Variants in SMCHD1 observed in about 807,000 individuals in gnomAD.
SMCHD1 encodes the protein structural maintenance of chromosomes flexible hinge domain-containing protein 1.
A neutral mutation model predicts 254.7 loss-of-function variants in SMCHD1; 78 were observed. The observed-to-expected ratio is 0.31, with a 90% CI of 0.26 to 0.37. The LOEUF is 0.37. Among genes scored for constraint, SMCHD1 ranks in the 10% least tolerant of loss-of-function variants. SMCHD1 has a pLI of 1.00. For missense variants in SMCHD1, 1,840 were observed against 2,408.1 expected (o/e 0.76, Z 4.94); for synonymous variants, 766 against 794.9 (o/e 0.96, Z 0.61).
chr18:2,786,714 A>G (rs1422910657), intron 45 of SMCHD1, among the ~76,000 whole-genome samples: 2 of 152,116 alleles, frequency 1.3e-5, no homozygotes, highest in Non-Finnish European at 2.9e-5. Flanking sequence ...AAGAAACACC[A>G]GTACTGTAGA....
intron 1 of SMCHD1, among the ~76,000 whole-genome samples, chr18:2,665,323 A>AT (rs796416596): frequency 3.0e-4 from 43 of 142,808 alleles, no homozygotes; most frequent in East Asian, 4.0e-4. Flanking sequence ...TTTCCCTCTA[A>AT]TTTTTTTTTT....
At chr18:2,768,706 C>CTATACTAGTAGTATAGTACTA (rs1568347952) in intron 37 of SMCHD1, among the ~76,000 whole-genome samples, 4 of 108,960 alleles carry the variant, frequency 3.7e-5, no homozygotes, top group African/African-American at 1.2e-4. Context: ...GTACTATATA[C>CTATACTAGTAGTATAGTACTA]TATACTATAC....
At chr18:2,794,287 T>A (rs2076221462) in intron 45 of SMCHD1, among the ~76,000 whole-genome samples, 4 of 150,786 alleles carry the variant, frequency 2.7e-5, no homozygotes, top group Admixed American at 2.0e-4. Flanking sequence ...CCGCTCACCT[T>A]GGCCTCCCAA....
In SMCHD1 at chr18:2,700,783, A is replaced by T. The variant is rs1222324371; in HGVS notation, c.1512A>T (p.Glu504Asp). 6.2e-7 allele frequency: 1 copy of T among 1,613,216 alleles called. No individual in the cohort carries two copies. Among genetic ancestry groups the T allele is most frequent in the Non-Finnish European group, 8.5e-7 (1 of 1,179,516 alleles). The change falls in exon 12 of 48, where the codon GAA (glutamate) becomes GAT (aspartate). Residue 504 changes from glutamate (E) to aspartate (D), a missense_variant. Transcript: ENST00000320876. ...PPKKRGLAPI[E>D]CYNRISGALF... ...AGAAGAGAGGGCTTGCACCAATTGA[A>T]TGCTACAATAGGATATCTGGTGCAT... is the stretch of plus-strand genomic sequence containing the variant.
At chr18:2,761,817 C>T (rs553153181) in intron 35 of SMCHD1, among the ~76,000 whole-genome samples, 58 of 151,470 alleles carry the variant, frequency 3.8e-4, no homozygotes, top group Middle Eastern at 6.8e-3. Context: ...GACTCTGTCT[C>T]AAAAAAACAA....
At chr18:2,685,545 T>C (rs2074033181) in intron 5 of SMCHD1, among the ~76,000 whole-genome samples, 1 of 152,206 alleles carries the variant, frequency 6.6e-6, no homozygotes, top group African/African-American at 2.4e-5. Context: ...TATTACTATG[T>C]ATTCCTAAAG....
At chr18:2,733,370 G>A (rs549779736) in intron 25 of SMCHD1, among the ~76,000 whole-genome samples, 1 of 152,312 alleles carries the variant, frequency 6.6e-6, no homozygotes, top group South Asian at 2.1e-4. Flanking sequence ...CATGTTAAAT[G>A]TTAAGAAATA....
chr18:2,683,299 G>A (rs1033961889), intron 5 of SMCHD1, among the ~76,000 whole-genome samples: 2 of 151,914 alleles, frequency 1.3e-5, no homozygotes, highest in African/African-American at 2.4e-5. Context: ...ATAAGTTGCA[G>A]CATCTCACAA....
At chr18:2,671,224 C>T (rs2073589881) in intron 3 of SMCHD1, among the ~76,000 whole-genome samples, 2 of 152,110 alleles carry the variant, frequency 1.3e-5, no homozygotes, top group Admixed American at 1.3e-4. Flanking sequence ...GCGTGAGCCA[C>T]TGCACCTGGC....
chr18:2,777,743 G>T, intron 42 of SMCHD1, 63 bp from the exon 43 acceptor site: 1 of 859,310 alleles, frequency 1.2e-6, no homozygotes, highest in African/African-American at 1.7e-5. Context: ...TTTCCATATT[G>T]TCTTTTTTTA....
At chr18:2,707,193 G>A (rs2074536294) in intron 15 of SMCHD1, among the ~76,000 whole-genome samples, 1 of 151,968 alleles carries the variant, frequency 6.6e-6, no homozygotes, top group South Asian at 2.1e-4. Context: ...GTAGAAAGTG[G>A]CTTTTCTTCT....
chr18:2,688,789 G>A (rs775039882), intron 7 of SMCHD1, 42 bp downstream of exon 7: 5 of 1,165,732 alleles, frequency 4.3e-6, no homozygotes, highest in African/African-American at 1.5e-5. Flanking sequence ...TTACTCCTTT[G>A]GATAGACGGT....
chr18:2,703,897 CTTA>C lies in SMCHD1; in HGVS notation c.1842+14_1842+16del, dbSNP rs1187103083. The C allele has an allele frequency of 2.0e-6, 3 of 1,524,170 alleles. No individual in the cohort carries two copies. Among genetic ancestry groups the C allele is most frequent in the South Asian group, 1.3e-5 (1 of 76,358 alleles). 94.4% of individuals were successfully genotyped at this position (1,524,170 alleles called of 1,614,324 possible). ...AAAGCAGGACAGCTGGTAGGTTTAA[CTTA>C]TTGTCACTTTTTTCTTATAATTTTT... is the stretch of plus-strand genomic sequence containing the variant. On this transcript the variant is annotated intron_variant, in intron 13 of 47. Transcript: ENST00000320876.
At chr18:2,691,568 CTT>C (rs1234168477) in intron 7 of SMCHD1, 1 of 152,178 alleles carries the variant, frequency 6.6e-6, no homozygotes, top group Non-Finnish European at 1.5e-5. Context: ...CGTGTGAAAA[CTT>C]TTCTCAATAC....
At chr18:2,666,360 G>A in intron 2 of SMCHD1, 128 bp downstream of exon 2, 1 of 541,074 alleles carries the variant, frequency 1.8e-6, no homozygotes, top group Non-Finnish European at 3.3e-6. Context: ...TGGGATGAGG[G>A]AGGAAACTGG....
chr18:2,796,095 G>A lies in SMCHD1; in HGVS notation c.5866G>A (p.Glu1956Lys). 1 of 1,558,152 alleles carries A rather than the reference G, an allele frequency of 6.4e-7. No homozygotes were observed. The highest frequency in any genetic ancestry group is 2.1e-5 in the Admixed American group (1 of 48,778). Residue 1956 changes from glutamate (E) to lysine (K), a missense_variant, in exon 46 of 48, where the codon GAG becomes AAG. Physicochemically the swap from Glu to Lys is moderately conservative, Grantham distance 56. Around this residue, in one of 9 missense-constraint regions of SMCHD1, gnomAD observed 132 missense variants for 138.2 expected, o/e 0.95. Transcript: ENST00000320876. ...ACATGAGAAAAATCTCAAACTAATA[G>A]AGGAAAAACTAGGTAAGTCTTTGCT... ...DEHEKNLKLI[E>K]EKLGMTPIRK...
intron 17 of SMCHD1, among the ~76,000 whole-genome samples, chr18:2,711,937 C>T (rs1182954561): frequency 6.6e-6 from 1 of 152,182 alleles, no homozygotes. Context: ...GCACCTCCCT[C>T]ACCCCTCTTT....
At chr18:2,744,135 T>C (rs1033230116) in intron 29 of SMCHD1, among the ~76,000 whole-genome samples, 2 of 152,170 alleles carry the variant, frequency 1.3e-5, no homozygotes, top group African/African-American at 4.8e-5. Context: ...TTAAAAATAA[T>C]GAGTGTAATA....
intron 42 of SMCHD1, among the ~76,000 whole-genome samples, chr18:2,776,648 CAA>C (rs1486186317): frequency 6.6e-6 from 1 of 152,096 alleles, no homozygotes; most frequent in Non-Finnish European, 1.5e-5. Flanking sequence ...GATTACTAAA[CAA>C]AGCTTTTCAC....
Sources: allele counts gnomAD v4.1 joint callset (sites outside exome capture counted in the v4.1 genomes callset), GRCh38; gene constraint gnomAD v4.1.1; regional missense constraint gnomAD v4.1.1; transcripts MANE v1.5; gene names NCBI Gene and HGNC (gene_info 2026-07-23, HGNC 2026-07-21).